Variants in COL11A1 observed in about 807,000 individuals in gnomAD.
COL11A1 encodes collagen type XI alpha 1 chain, also known as collagen alpha-1(XI) chain.
In COL11A1, 74 loss-of-function variants were observed where a neutral mutation model predicts 265.2. The observed-to-expected ratio is 0.28, with a 90% CI of 0.23 to 0.34. The LOEUF (loss-of-function observed/expected upper bound fraction) is 0.34. Ranked by LOEUF, COL11A1 falls within the 10% of genes least tolerant of loss-of-function variation. The pLI is 1.00. For synonymous variants in COL11A1, 816 were observed against 727.6 expected (o/e 1.12, Z -1.96); for missense variants, 2,165 against 2,263.6 (o/e 0.96, Z 0.88).
intron 46 of COL11A1, among the ~76,000 whole-genome samples, chr1:102,929,372 T>A (rs1237623505): frequency 1.3e-5 from 2 of 152,142 alleles, no homozygotes; most frequent in African/African-American, 4.8e-5. Context: ...TGTTTGTTTT[T>A]CTCAGGTTTG....
At chr1:103,066,277 G>T (rs906920753) in intron 4 of COL11A1, among the ~76,000 whole-genome samples, 1 of 151,640 alleles carries the variant, frequency 6.6e-6, no homozygotes, top group South Asian at 2.1e-4. Context: ...TAAAATATAC[G>T]ATTATTTAAA....
Position 102,914,805 on chromosome 1 carries a change from T to G in COL11A1, c.3823A>C (p.Lys1275Gln). 6.3e-7 allele frequency: 1 copy of G among 1,592,908 alleles called. No homozygotes were observed. Among genetic ancestry groups the G allele is most frequent in the Non-Finnish European group, 8.5e-7 (1 of 1,170,714 alleles). The stretch of plus-strand genomic sequence containing the variant: ...TCCCCTTTCTCTCCTCTTTCTCCTT[T>G]GGGACCCTAAACAATGTTAAAAAAA... ...PPGEAGVGGP[K>Q]GERGEKGEAG... is the part of the protein sequence containing the mutation. The change falls in exon 51 of 67, where the codon AAA becomes CAA. Residue 1275 changes from lysine to glutamine, a missense_variant. Transcript: ENST00000370096.
intron 66 of COL11A1, 117 bp downstream of exon 66, chr1:102,879,566 A>C: frequency 5.8e-6 from 5 of 858,386 alleles, no homozygotes; most frequent in Non-Finnish European, 9.6e-6. Flanking sequence ...ATTAAGCAAC[A>C]AATGTTAATA....
intron 53 of COL11A1, among the ~76,000 whole-genome samples, 173 bp downstream of exon 53, chr1:102,913,464 A>T (rs1319621025): frequency 2.0e-5 from 3 of 152,154 alleles, no homozygotes; most frequent in Non-Finnish European, 1.5e-5. Context: ...AATAAGAAAC[A>T]CTCCATGTAA....
chr1:103,025,883 A>G, intron 6 of COL11A1: 10 of 1,613,118 alleles, frequency 6.2e-6, no homozygotes, highest in Non-Finnish European at 8.5e-6. Context: ...GGGGGTGTAA[A>G]CTTTTTGGAT....
At chr1:102,900,160 T>G (rs982418461) in intron 54 of COL11A1, among the ~76,000 whole-genome samples, 1 of 152,130 alleles carries the variant, frequency 6.6e-6, no homozygotes, top group Non-Finnish European at 1.5e-5. Flanking sequence ...TTTCTCAATA[T>G]CATTCCTATA....
At chr1:103,015,607 A>G in intron 12 of COL11A1, 61 bp downstream of exon 12, 1 of 1,271,640 alleles carries the variant, frequency 7.9e-7, no homozygotes, top group Non-Finnish European at 1.1e-6. Context: ...GTTCAACAAT[A>G]AACTTCAGAA....
chr1:103,046,022 T>G (rs924999909), intron 4 of COL11A1, among the ~76,000 whole-genome samples: 13 of 151,738 alleles, frequency 8.6e-5, no homozygotes, highest in Admixed American at 7.2e-4. Context: ...CTATCGTTGT[T>G]GGACATTTGG....
At chr1:102,987,371 C>T (rs1190677397) in intron 30 of COL11A1, among the ~76,000 whole-genome samples, 1 of 145,568 alleles carries the variant, frequency 6.9e-6, no homozygotes, top group Non-Finnish European at 1.5e-5. Context: ...ACATTTCTTG[C>T]TTTTTTTTTT....
intron 54 of COL11A1, among the ~76,000 whole-genome samples, chr1:102,904,188 T>C (rs980544526): frequency 6.6e-6 from 1 of 152,154 alleles, no homozygotes; most frequent in Admixed American, 6.5e-5. Flanking sequence ...TTTAGCTTTC[T>C]ACATATGGCT....
At chr1:102,878,288 T>A in intron 66 of COL11A1, 123 bp from the exon 67 acceptor site, 1 of 788,666 alleles carries the variant, frequency 1.3e-6, no homozygotes, top group African/African-American at 1.8e-5. Context: ...GAAAAACAAA[T>A]TTTCTATTAT....
At chr1:102,928,062 C>G (rs1656841283) in intron 46 of COL11A1, among the ~76,000 whole-genome samples, 1 of 152,032 alleles carries the variant, frequency 6.6e-6, no homozygotes, top group South Asian at 2.1e-4. Flanking sequence ...ACTAACTTAT[C>G]TTGTTATGAG....
At position 102,878,115 on chromosome 1, in the gene COL11A1, A is replaced by G. The variant is rs532113782; in HGVS notation, c.5325T>C (p.Ile1775=). Residue 1775 remains isoleucine, a synonymous_variant, in exon 67 of 67, where the codon ATT becomes ATC. Coordinates refer to ENST00000370096, the MANE Select transcript of COL11A1 (RefSeq NM_001854.4). ...KTVIEINTPK[I]DQVPIVDVMI... is the part of the protein sequence containing the mutation. ...TGACATCAACAATAGGTACTTGATC[A>G]ATTTTTGGTGTATTGATTTCAATGA... The G allele has an allele frequency of 2.4e-4, 395 of 1,613,402 alleles. 4 individuals are homozygous for G. The South Asian group carries it at 4.1e-3, about 17-fold the overall frequency.
chr1:102,944,869 T>A (rs1317396750), intron 42 of COL11A1, among the ~76,000 whole-genome samples: 2 of 152,146 alleles, frequency 1.3e-5, no homozygotes, highest in African/African-American at 4.8e-5. Context: ...CTATATTTTT[T>A]AATTAATTTG....
intron 35 of COL11A1, among the ~76,000 whole-genome samples, chr1:102,976,790 T>G (rs539022834): frequency 1.3e-5 from 2 of 152,150 alleles, no homozygotes; most frequent in African/African-American, 4.8e-5. Context: ...GTGACAAAAA[T>G]GACTTATTCT....
intron 63 of COL11A1, among the ~76,000 whole-genome samples, chr1:102,886,169 T>G (rs1299647602): frequency 1.3e-5 from 2 of 152,196 alleles, no homozygotes; most frequent in African/African-American, 4.8e-5. Context: ...TCAACTAACT[T>G]AGCAACCTGA....
chr1:103,005,780 A>C, intron 18 of COL11A1, 58 bp downstream of exon 18: 1 of 1,596,678 alleles, frequency 6.3e-7, no homozygotes, highest in Non-Finnish European at 8.6e-7. Context: ...GCAAATTGTT[A>C]TCAATTCTAA....
At chr1:102,894,480 C>T (rs1440800692) in intron 57 of COL11A1, among the ~76,000 whole-genome samples, 1 of 151,982 alleles carries the variant, frequency 6.6e-6, no homozygotes, top group Non-Finnish European at 1.5e-5. Flanking sequence ...GTTGTAGTGA[C>T]TCGTGATTGT....
rs908171521 is a variant in COL11A1, at chr1:102,924,081, C to G, written c.3601-692G>C. Among the ~76,000 whole-genome samples, 94 of 146,500 alleles carry G rather than the reference C, an allele frequency of 6.4e-4. 1 individual carries two copies. The highest frequency in any genetic ancestry group is 2.5e-3 in the African/African-American group (93 of 37,640). ...AAAAAAAAAAAAAAAATTAGCCGGG[C>G]GTGGTGGCAGGCGACTGTAGTCACA... On this transcript the variant is annotated intron_variant, in intron 46 of 66. Coordinates refer to ENST00000370096, the MANE Select transcript of COL11A1 (RefSeq NM_001854.4).
Sources: gnomAD v4.1 joint callset for allele counts (sites outside exome capture counted in the v4.1 genomes callset) on GRCh38, gnomAD v4.1.1 for gene constraint, MANE v1.5 for transcripts, NCBI Gene and HGNC (gene_info 2026-07-23, HGNC 2026-07-21) for gene names.